Variants in GRM7 observed in about 807,000 individuals in gnomAD.
The protein encoded by GRM7 is metabotropic glutamate receptor 7.
Under a neutral mutation model 84.5 loss-of-function variants are expected in GRM7, and 35 were observed. The ratio of observed to expected loss-of-function variants is 0.41; its 90% CI spans 0.32 to 0.55. The LOEUF (loss-of-function observed/expected upper bound fraction) is 0.55. Among genes scored for constraint, GRM7 ranks in the 20% least tolerant of loss-of-function variants. GRM7 has a pLI of 0.19. For missense variants in GRM7, 1,003 were observed against 1,194.6 expected (o/e 0.84, Z 2.36); for synonymous variants, 487 against 455.1 (o/e 1.07, Z -0.89).
At position 6,911,173 on chromosome 3, in the gene GRM7, G is replaced by A. The variant is rs575424332; in HGVS notation, c.519+49266G>A. On this transcript the variant is annotated intron_variant, in intron 1 of 9. Coordinates refer to ENST00000357716, the MANE Select transcript of GRM7 (RefSeq NM_000844.4). ...TATGAGAAAGTACCTTCTATAATCT[G>A]GCACTTTTTTTTGCCACATTCAAAT... Among the ~76,000 whole-genome samples the A allele has an allele frequency of 6.6e-5, 10 of 152,190 alleles. No homozygotes were observed. In the South Asian group the frequency reaches 1.7e-3, roughly 25 times the overall value.
intron 7 of GRM7, among the ~76,000 whole-genome samples, chr3:7,546,295 T>C (rs759778271): frequency 2.0e-5 from 3 of 152,212 alleles, no homozygotes; most frequent in Non-Finnish European, 2.9e-5. Flanking sequence ...CTTCATTGCA[T>C]AGCCATCCAT....
chr3:7,437,187 C>T (rs1041119399), intron 5 of GRM7, among the ~76,000 whole-genome samples: 1 of 152,168 alleles, frequency 6.6e-6, no homozygotes, highest in Non-Finnish European at 1.5e-5. Flanking sequence ...CTTTTATTTC[C>T]TATTTTTAAA....
chr3:7,492,831 A>G (rs1699570376), intron 7 of GRM7, among the ~76,000 whole-genome samples: 1 of 152,096 alleles, frequency 6.6e-6, no homozygotes, highest in African/African-American at 2.4e-5. Flanking sequence ...TCATATAAAT[A>G]TCCCTCTCAG....
chr3:7,688,139 A>C (rs1700658923), intron 9 of GRM7, among the ~76,000 whole-genome samples: 1 of 152,176 alleles, frequency 6.6e-6, no homozygotes, highest in South Asian at 2.1e-4. Context: ...ATCCATTAAA[A>C]ATCCTTTTGC....
intron 2 of GRM7, among the ~76,000 whole-genome samples, chr3:7,295,587 G>A (rs921577557): frequency 6.6e-6 from 1 of 152,176 alleles, no homozygotes; most frequent in Non-Finnish European, 1.5e-5. Context: ...GATTTGGGAA[G>A]AATTTACTTA....
chr3:7,223,273 A>C (rs1187533552), intron 2 of GRM7, among the ~76,000 whole-genome samples: 2 of 152,034 alleles, frequency 1.3e-5, no homozygotes, highest in Non-Finnish European at 2.9e-5. Context: ...TACATCCTAT[A>C]ATTTCATAAA....
At position 7,220,483 on chromosome 3, in the gene GRM7, C is replaced by T. The variant is rs75855267; in HGVS notation, c.736+73815C>T. On this transcript the variant is annotated intron_variant, in intron 2 of 9. Transcript: ENST00000357716. ...CCTGGCCAGTACTCCTCAAAGCTAC[C>T]AAAGGCATAGAAAACAAGGAAAGTT... 8.0e-3 allele frequency among the ~76,000 whole-genome samples: 1,220 copies of T among 152,168 alleles called. 9 individuals carry two copies. Among genetic ancestry groups the T allele is most frequent in the Non-Finnish European group, 0.013 (861 of 68,014 alleles).
chr3:7,080,474 A>G (rs906011012), intron 1 of GRM7, among the ~76,000 whole-genome samples: 2 of 152,038 alleles, frequency 1.3e-5, no homozygotes, highest in Non-Finnish European at 2.9e-5. Context: ...GATAGGAAAA[A>G]GGATTTACTT....
At chr3:7,617,861 T>C (rs1238607226) in intron 8 of GRM7, among the ~76,000 whole-genome samples, 1 of 152,136 alleles carries the variant, frequency 6.6e-6, no homozygotes, top group Non-Finnish European at 1.5e-5. Context: ...CAAAACAATT[T>C]CAACCCATCA....
chr3:7,172,053 G>T (rs962956636), intron 2 of GRM7, among the ~76,000 whole-genome samples: 2 of 152,116 alleles, frequency 1.3e-5, no homozygotes, highest in African/African-American at 4.8e-5. Context: ...TTCCATGCTG[G>T]CATTTGAAAT....
intron 4 of GRM7, among the ~76,000 whole-genome samples, chr3:7,344,279 G>A (rs1278218489): frequency 6.6e-6 from 1 of 151,996 alleles, no homozygotes; most frequent in African/African-American, 2.4e-5. Flanking sequence ...AGTGTGTGTT[G>A]TTACCCTCTA....
chr3:7,065,081 G>C (rs1441501113), intron 1 of GRM7, among the ~76,000 whole-genome samples: 1 of 151,782 alleles, frequency 6.6e-6, no homozygotes, highest in Admixed American at 6.6e-5. Flanking sequence ...TGTAGATTCT[G>C]GTTATTAGTC....
intron 8 of GRM7, among the ~76,000 whole-genome samples, chr3:7,583,910 C>G (rs1695390132): frequency 6.6e-6 from 1 of 152,106 alleles, no homozygotes; most frequent in Non-Finnish European, 1.5e-5. Context: ...GTGTTCTTTT[C>G]CATTAGGAAC....
intron 4 of GRM7, among the ~76,000 whole-genome samples, chr3:7,395,302 A>G (rs1695167656): frequency 6.6e-6 from 1 of 152,184 alleles, no homozygotes; most frequent in African/African-American, 2.4e-5. Context: ...ATGTATCTAC[A>G]TTCACATGTA....
intron 7 of GRM7, among the ~76,000 whole-genome samples, chr3:7,570,005 G>C (rs1442767822): frequency 6.6e-6 from 1 of 152,140 alleles, no homozygotes; most frequent in Non-Finnish European, 1.5e-5. Flanking sequence ...CTTGTGCAGG[G>C]GAAGTTCCAT....
At chr3:7,376,010 G>C (rs1171144244) in intron 4 of GRM7, among the ~76,000 whole-genome samples, 7 of 152,160 alleles carry the variant, frequency 4.6e-5, no homozygotes, top group African/African-American at 1.7e-4. Flanking sequence ...TTACAGCTCA[G>C]AGAGCCTTAT....
intron 4 of GRM7, among the ~76,000 whole-genome samples, chr3:7,360,618 C>T (rs936089204): frequency 6.6e-6 from 1 of 152,028 alleles, no homozygotes; most frequent in Non-Finnish European, 1.5e-5. Flanking sequence ...AATATTCTAG[C>T]CAAATAAGTG....
chr3:7,459,254 C>T (rs1698142678), intron 6 of GRM7, among the ~76,000 whole-genome samples: 1 of 152,054 alleles, frequency 6.6e-6, no homozygotes, highest in Non-Finnish European at 1.5e-5. Flanking sequence ...TCCCAGAGCT[C>T]CAGCTTGCTG....
intron 2 of GRM7, among the ~76,000 whole-genome samples, chr3:7,231,075 G>A (rs1559515557): frequency 6.6e-6 from 1 of 152,122 alleles, no homozygotes; most frequent in South Asian, 2.1e-4. Flanking sequence ...GGAATTGGGT[G>A]GTAGGGAATT....
Sources: allele counts gnomAD v4.1 joint callset (sites outside exome capture counted in the v4.1 genomes callset), GRCh38; gene constraint gnomAD v4.1.1; transcripts MANE v1.5; gene names NCBI Gene and HGNC (gene_info 2026-07-23, HGNC 2026-07-21).